The following ADRA1B variants were observed in gnomAD, a reference collection of about 807,000 sequenced individuals.
The protein encoded by ADRA1B is alpha-1B adrenergic receptor.
Under a neutral mutation model 17.9 loss-of-function variants are expected in ADRA1B, and 17 were observed. The ratio of observed to expected loss-of-function variants is 0.95; its 90% confidence interval spans 0.65 to 1.42. The LOEUF (loss-of-function observed/expected upper bound fraction) is 1.42. Among genes scored for constraint, ADRA1B ranks in the 40% most tolerant of loss-of-function variants. The pLI is 0.00. For missense variants in ADRA1B, 681 were observed against 722.1 expected (o/e 0.94, Z 0.65); for synonymous variants, 366 against 327.6 (o/e 1.12, Z -1.27).
chr5:159,911,145 G>T (rs1195138264), intron 1 of ADRA1B, among the ~76,000 whole-genome samples: 1 of 152,182 alleles, frequency 6.6e-6, no homozygotes, highest in Non-Finnish European at 1.5e-5. Flanking sequence ...GCAACTTAAA[G>T]ATCTTTTCCA....
chr5:159,972,208 A>C lies in ADRA1B; in HGVS notation c.1279A>C (p.Ser427Arg). The change falls in exon 2 of 2, where the codon AGC becomes CGC. Residue 427 changes from serine to arginine, a missense_variant. Physicochemically the swap from Ser to Arg is moderately radical, Grantham distance 110 (BLOSUM62 -1). Transcript: ENST00000306675. The part of the protein sequence containing the change: ...SQRTLPSASP[S>R]PGYLGRGAPP... ...GCGGACCCTGCCCTCGGCCTCGCCG[A>C]GCCCGGGCTACCTGGGCCGCGGCGC... 1 of 1,352,858 alleles carries C rather than the reference A, an allele frequency of 7.4e-7. No individual in the cohort carries two copies. Among genetic ancestry groups the C allele is most frequent in the African/African-American group, 1.5e-5 (1 of 64,914 alleles). The allele number at this position is 1,352,858 out of a possible 1,614,324, so 83.8% of individuals were successfully genotyped here. A position where few individuals can be genotyped will look rare whatever the true frequency, so the allele number is the denominator to read the frequency against.
intron 1 of ADRA1B, among the ~76,000 whole-genome samples, chr5:159,885,551 T>C (rs929063157): frequency 6.6e-6 from 1 of 152,150 alleles, no homozygotes; most frequent in Non-Finnish European, 1.5e-5. Context: ...CACTAACACA[T>C]CTAGATGTGA....
chr5:159,932,528 T>A (rs2113204073), intron 1 of ADRA1B, among the ~76,000 whole-genome samples: 1 of 152,286 alleles, frequency 6.6e-6, no homozygotes, highest in South Asian at 2.1e-4. Context: ...CCAATCCAGT[T>A]ATGTAAACAA....
chr5:159,934,449 C>T (rs1392712791), intron 1 of ADRA1B, among the ~76,000 whole-genome samples: 2 of 152,044 alleles, frequency 1.3e-5, no homozygotes, highest in African/African-American at 4.8e-5. Context: ...ACCTTCTCTT[C>T]TCTGAGACAC....
At chr5:159,923,474 G>A (rs906839383) in intron 1 of ADRA1B, among the ~76,000 whole-genome samples, 8 of 152,374 alleles carry the variant, frequency 5.3e-5, no homozygotes, top group East Asian at 1.9e-4. Flanking sequence ...AAGAGAGTCC[G>A]CAAGAGAGGA....
intron 1 of ADRA1B, among the ~76,000 whole-genome samples, chr5:159,883,058 G>GTT: frequency 6.6e-6 from 1 of 152,156 alleles, no homozygotes; most frequent in East Asian, 1.9e-4. Context: ...CCAGTTGCTG[G>GTT]TTCTAGGCTT....
intron 1 of ADRA1B, among the ~76,000 whole-genome samples, chr5:159,965,844 TA>T (rs368742168): frequency 6.5e-4 from 99 of 151,484 alleles, no homozygotes; most frequent in South Asian, 1.9e-3. Context: ...TTTATTTATT[TA>T]TTTATTTTTT....
intron 1 of ADRA1B, among the ~76,000 whole-genome samples, chr5:159,899,297 AGG>A (rs1448733385): frequency 6.6e-6 from 1 of 151,384 alleles, no homozygotes; most frequent in Non-Finnish European, 1.5e-5. Flanking sequence ...GAAGGAAGGA[AGG>A]AAGGAAGGAA....
the ADRA1B span, among the ~76,000 whole-genome samples, chr5:159,988,439 G>A: frequency 2.1e-4 from 32 of 152,314 alleles, no homozygotes; most frequent in Non-Finnish European, 4.3e-4. Context: ...GCAGCTTTAG[G>A]AAGCTAATAT....
At chr5:159,987,119 G>T in the ADRA1B span, among the ~76,000 whole-genome samples, 2 of 152,222 alleles carry the variant, frequency 1.3e-5, no homozygotes, top group East Asian at 3.8e-4. Context: ...GCTAAAGGAC[G>T]GTGTTGTAAG....
At chr5:159,987,610 A>G in the ADRA1B span, among the ~76,000 whole-genome samples, 1 of 152,224 alleles carries the variant, frequency 6.6e-6, no homozygotes, top group African/African-American at 2.4e-5. Flanking sequence ...TTGGCAATTC[A>G]GCTGGTGCGG....
intron 1 of ADRA1B, chr5:159,951,309 T>C: frequency 7.5e-7 from 1 of 1,335,986 alleles, no homozygotes; most frequent in Non-Finnish European, 1.1e-6. Context: ...AAGCTTCCCT[T>C]TCTCAGCCTT....
the ADRA1B span, among the ~76,000 whole-genome samples, chr5:159,986,148 T>C: frequency 6.6e-5 from 10 of 152,228 alleles, no homozygotes; most frequent in Non-Finnish European, 1.5e-4. Flanking sequence ...CAGGCTGGTA[T>C]GCAGTGACAC....
At chr5:159,886,440 C>T (rs1753923532) in intron 1 of ADRA1B, among the ~76,000 whole-genome samples, 1 of 152,202 alleles carries the variant, frequency 6.6e-6, no homozygotes, top group Non-Finnish European at 1.5e-5. Context: ...GGAAATTAAG[C>T]TGTCTGCTGG....
intron 1 of ADRA1B, among the ~76,000 whole-genome samples, chr5:159,871,918 T>G (rs1189417769): frequency 1.3e-5 from 2 of 152,194 alleles, no homozygotes; most frequent in African/African-American, 4.8e-5. Flanking sequence ...CAGGGTCTCC[T>G]CCTCTGCCTT....
intron 1 of ADRA1B, among the ~76,000 whole-genome samples, chr5:159,886,863 A>G (rs1458526424): frequency 3.3e-5 from 5 of 152,180 alleles, no homozygotes; most frequent in Non-Finnish European, 2.9e-5. Flanking sequence ...CTTCCTCTGT[A>G]AATATATATA....
intron 1 of ADRA1B, among the ~76,000 whole-genome samples, chr5:159,965,540 C>T (rs958722792): frequency 6.6e-6 from 1 of 152,244 alleles, no homozygotes; most frequent in African/African-American, 2.4e-5. Flanking sequence ...CCCTGCCACA[C>T]ATCCTCTTAC....
chr5:159,948,011 T>A lies in ADRA1B; in HGVS notation c.950-23868T>A, dbSNP rs951496014. 14 of 985,352 alleles carry A rather than the reference T, an allele frequency of 1.4e-5. No individual in the cohort carries two copies. In the African/African-American group the frequency reaches 2.4e-4, roughly 17 times the overall value. 61.0% of individuals were successfully genotyped at this position (985,352 alleles called of 1,614,324 possible). On this transcript the variant is annotated intron_variant, in intron 1 of 1. Transcript: ENST00000306675. ...GATTTGATCAATTACATTGCTGCTG[T>A]CTAATTAGTAAGCATGGCCACACTG...
At chr5:159,944,228 T>A (rs1257360749) in intron 1 of ADRA1B, among the ~76,000 whole-genome samples, 1 of 152,168 alleles carries the variant, frequency 6.6e-6, no homozygotes, top group African/African-American at 2.4e-5. Flanking sequence ...ATGGCCCCAT[T>A]TGTCACAGTG....
Sources: allele counts gnomAD v4.1 joint callset (sites outside exome capture counted in the v4.1 genomes callset), GRCh38; gene constraint gnomAD v4.1.1; transcripts MANE v1.5; gene names NCBI Gene and HGNC (gene_info 2026-07-23, HGNC 2026-07-21).